TTLL5: variants seen among roughly 807,000 people sequenced by gnomAD.
TTLL5 encodes the protein tubulin tyrosine ligase like 5, also known as tubulin polyglutamylase TTLL5.
A neutral mutation model predicts 168.4 loss-of-function variants in TTLL5; 132 were observed. The ratio of observed to expected loss-of-function variants is 0.78; its 90% CI spans 0.68 to 0.91. The LOEUF (loss-of-function observed/expected upper bound fraction) is 0.91. Ranked by LOEUF, TTLL5 falls within the 40% of genes least tolerant of loss-of-function variation. The probability of loss-of-function intolerance (pLI) is 0.00; values close to 1 mark genes in which losing one functional copy is unlikely to be tolerated. For missense variants in TTLL5, 1,545 were observed against 1,581.5 expected (o/e 0.98, Z 0.39); for synonymous variants, 546 against 558.6 (o/e 0.98, Z 0.32).
intron 16 of TTLL5, 75 bp downstream of exon 16, chr14:75,745,283 T>C: frequency 1.4e-6 from 2 of 1,414,218 alleles, no homozygotes; most frequent in Non-Finnish European, 9.9e-7. Context: ...ATTGATAATA[T>C]TCATGACAAA....
At chr14:75,687,603 T>C (rs1885167197) in intron 5 of TTLL5, among the ~76,000 whole-genome samples, 1 of 152,184 alleles carries the variant, frequency 6.6e-6, no homozygotes, top group Non-Finnish European at 1.5e-5. Flanking sequence ...ATTAAAAATA[T>C]CTGCTCTTTG....
intron 10 of TTLL5, among the ~76,000 whole-genome samples, chr14:75,718,551 G>A (rs1343322985): frequency 6.6e-6 from 1 of 152,168 alleles, no homozygotes; most frequent in Non-Finnish European, 1.5e-5. Context: ...TAGTACCGAA[G>A]TGTTAATTTA....
At chr14:75,875,362 T>C (rs2031401089) in intron 29 of TTLL5, among the ~76,000 whole-genome samples, 1 of 142,126 alleles carries the variant, frequency 7.0e-6, no homozygotes, top group African/African-American at 2.5e-5. Flanking sequence ...GCCAACACGG[T>C]GAAACCCCAT....
intron 3 of TTLL5, among the ~76,000 whole-genome samples, chr14:75,671,045 C>T (rs184855690): frequency 4.6e-5 from 7 of 152,162 alleles, no homozygotes; most frequent in African/African-American, 1.4e-4. Context: ...ATTTAGGGCT[C>T]AATAGTCTTT....
intron 23 of TTLL5, among the ~76,000 whole-genome samples, chr14:75,777,722 AC>A (rs1384484661): frequency 6.6e-6 from 1 of 152,166 alleles, no homozygotes; most frequent in African/African-American, 2.4e-5. Flanking sequence ...TAGAAAATCT[AC>A]CCTATGTTGA....
chr14:75,736,422 CAA>C (rs1317079524), intron 15 of TTLL5, among the ~76,000 whole-genome samples: 1 of 151,968 alleles, frequency 6.6e-6, no homozygotes, highest in Non-Finnish European at 1.5e-5. Context: ...TTTTCAAACT[CAA>C]ATGCTTAGAG....
rs1199941742 is a variant in TTLL5, at chr14:75,707,073, C to T, written c.641C>T (p.Pro214Leu). Reference sequence around the variant, plus strand: ...TTGGTCTCCCGTTACATTAACAACCCCCTGCTCATAGATGGTGAGTTGTGA... The same window carrying T: ...TTGGTCTCCCGTTACATTAACAACCTCCTGCTCATAGATGGTGAGTTGTGA... ...NILVSRYINNPLLIDDFKFDV... is the reference protein window; with the variant it reads ...NILVSRYINNLLLIDDFKFDV... Residue 214 changes from proline (P) to leucine (L), a missense_variant, in exon 8 of 32, where the codon CCC becomes CTC. By Grantham distance (98) the Pro-to-Leu change is moderately conservative (BLOSUM62 -3). Coordinates refer to ENST00000298832, the MANE Select transcript of TTLL5 (RefSeq NM_015072.5). 2 of 1,612,600 alleles carry T rather than the reference C, an allele frequency of 1.2e-6. No homozygotes were observed. Among genetic ancestry groups the T allele is most frequent in the South Asian group, 1.1e-5 (1 of 91,002 alleles).
intron 5 of TTLL5, among the ~76,000 whole-genome samples, chr14:75,686,070 T>C (rs1389226391): frequency 6.6e-6 from 1 of 152,218 alleles, no homozygotes; most frequent in East Asian, 1.9e-4. Context: ...ATGTTTGTGG[T>C]ACCTAGATTT....
chr14:75,814,827 T>C (rs1473189506), intron 27 of TTLL5, among the ~76,000 whole-genome samples: 3 of 152,248 alleles, frequency 2.0e-5, no homozygotes, highest in Admixed American at 6.5e-5. Flanking sequence ...TACATCTGGC[T>C]TTTAAATTTT....
intron 18 of TTLL5, among the ~76,000 whole-genome samples, chr14:75,760,327 A>G (rs1280536936): frequency 6.6e-6 from 1 of 152,110 alleles, no homozygotes; most frequent in African/African-American, 2.4e-5. Flanking sequence ...ATATTACTGA[A>G]AGAAATTAAA....
At chr14:75,734,658 C>CTT (rs1888773586) in intron 14 of TTLL5, among the ~76,000 whole-genome samples, 1 of 152,136 alleles carries the variant, frequency 6.6e-6, no homozygotes, top group Non-Finnish European at 1.5e-5. Context: ...GAATCTGCTT[C>CTT]TTTTTAGGAA....
chr14:75,949,780 A>G (rs1158177169), intron 31 of TTLL5, among the ~76,000 whole-genome samples: 1 of 151,598 alleles, frequency 6.6e-6, no homozygotes, highest in Non-Finnish European at 1.5e-5. Context: ...AACCCAGGAG[A>G]TGGAAGCTGC....
At chr14:75,846,906 G>A (rs1452995167) in intron 28 of TTLL5, among the ~76,000 whole-genome samples, 2 of 151,940 alleles carry the variant, frequency 1.3e-5, no homozygotes, top group African/African-American at 4.8e-5. Context: ...CAGACATAGA[G>A]ATGAATCATG....
At chr14:75,741,419 A>G (rs1362807709) in intron 15 of TTLL5, among the ~76,000 whole-genome samples, 1 of 151,884 alleles carries the variant, frequency 6.6e-6, no homozygotes, top group East Asian at 1.9e-4. Context: ...TACCACCCAG[A>G]GAATGTAGTT....
chr14:75,804,843 TC>T (rs1893556657), intron 27 of TTLL5, among the ~76,000 whole-genome samples: 1 of 152,138 alleles, frequency 6.6e-6, no homozygotes, highest in Non-Finnish European at 1.5e-5. Flanking sequence ...GCCTCTCTGT[TC>T]CAGGACCTGG....
chr14:75,675,698 C>T (rs996052071), intron 3 of TTLL5, among the ~76,000 whole-genome samples: 1 of 152,160 alleles, frequency 6.6e-6, no homozygotes, highest in South Asian at 2.1e-4. Flanking sequence ...TTTACAGTTG[C>T]AATCTTCCAT....
chr14:75,845,513 C>T (rs1896498303), intron 28 of TTLL5, among the ~76,000 whole-genome samples: 1 of 152,092 alleles, frequency 6.6e-6, no homozygotes, highest in African/African-American at 2.4e-5. Flanking sequence ...AAGTATTTCT[C>T]CCTTATTTTG....
rs1884463984 is a variant in TTLL5 at position 75,679,756 on chromosome 14, C to T, written c.182-1789C>T. Among the ~76,000 whole-genome samples the T allele has an allele frequency of 2.0e-5, 3 of 152,150 alleles. No individual in the cohort carries two copies. In the South Asian group the frequency reaches 6.2e-4, roughly 31 times the overall value. ...TATTCTAAGCCTATTTTGTGATTCC[C>T]ACACATGATTCTGCAGTGTTTCTTA... On this transcript the variant is annotated intron_variant, in intron 3 of 31. Transcript: ENST00000298832.
At position 75,703,079 on chromosome 14, in the gene TTLL5, G is replaced by A. The variant is rs116216937; in HGVS notation, c.585+3809G>A. On this transcript the variant is annotated intron_variant, in intron 7 of 31. Coordinates refer to ENST00000298832, the MANE Select transcript of TTLL5 (RefSeq NM_015072.5). Reference sequence around the variant, plus strand: ...GAATATGTGACCCATTAGCCAACTGGATGAAGTAACTCTTTCCAAGGCTGC... The same window carrying A: ...GAATATGTGACCCATTAGCCAACTGAATGAAGTAACTCTTTCCAAGGCTGC... 6.5e-3 allele frequency among the ~76,000 whole-genome samples: 984 copies of A among 152,268 alleles called. 9 individuals carry two copies. The highest frequency in any genetic ancestry group is 0.022 in the African/African-American group (931 of 41,552).
Sources: gnomAD v4.1 joint callset for allele counts (sites outside exome capture counted in the v4.1 genomes callset) on GRCh38, gnomAD v4.1.1 for gene constraint, MANE v1.5 for transcripts, NCBI Gene and HGNC (gene_info 2026-07-23, HGNC 2026-07-21) for gene names.